GRID2: variants seen among roughly 807,000 people sequenced by gnomAD.
GRID2 encodes the protein glutamate ionotropic receptor delta type subunit 2.
Under a neutral mutation model 114.8 loss-of-function variants are expected in GRID2, and 33 were observed. The observed-to-expected ratio is 0.29, with a 90% CI of 0.22 to 0.38. The LOEUF (loss-of-function observed/expected upper bound fraction) is 0.38, where lower values mean the gene tolerates loss of function less well. Ranked by LOEUF, GRID2 falls within the 10% of genes least tolerant of loss-of-function variation. The probability of loss-of-function intolerance (pLI) is 1.00; values close to 1 mark genes in which losing one functional copy is unlikely to be tolerated. For synonymous variants in GRID2, 505 were observed against 449.9 expected, an observed-to-expected ratio of 1.12 and a Z score of -1.55; for missense variants, 1,184 against 1,257.7, an observed-to-expected ratio of 0.94 and a Z score of 0.89.
chr4:92,487,971 A>T (rs1311266818), intron 1 of GRID2, among the ~76,000 whole-genome samples: 4 of 152,016 alleles, frequency 2.6e-5, no homozygotes, highest in African/African-American at 9.7e-5. Context: ...TGATTTATTT[A>T]TTCTTTGTTT....
At chr4:92,433,301 C>G (rs904532543) in intron 1 of GRID2, among the ~76,000 whole-genome samples, 2 of 152,196 alleles carry the variant, frequency 1.3e-5, no homozygotes, top group Admixed American at 6.5e-5. Context: ...GCTCTGGGCC[C>G]AGCACAGCAC....
At chr4:92,909,389 C>T (rs1013301786) in intron 2 of GRID2, among the ~76,000 whole-genome samples, 2 of 151,732 alleles carry the variant, frequency 1.3e-5, no homozygotes, top group Non-Finnish European at 2.9e-5. Flanking sequence ...ATTATAAACA[C>T]CTTCCCTCAA....
At chr4:92,644,367 C>T (rs1731510607) in intron 2 of GRID2, among the ~76,000 whole-genome samples, 5 of 151,826 alleles carry the variant, frequency 3.3e-5, no homozygotes, top group South Asian at 2.1e-4. Context: ...TTAAGTCTCA[C>T]TAAAATAAAC....
At chr4:93,508,645 A>C (rs1022813883) in intron 12 of GRID2, among the ~76,000 whole-genome samples, 6 of 152,338 alleles carry the variant, frequency 3.9e-5, no homozygotes, top group Middle Eastern at 6.8e-3. Context: ...CTAGTGAAGA[A>C]GACCACCATA....
At chr4:92,974,427 G>T (rs1275650299) in intron 2 of GRID2, among the ~76,000 whole-genome samples, 1 of 151,968 alleles carries the variant, frequency 6.6e-6, no homozygotes, top group Non-Finnish European at 1.5e-5. Context: ...GCAAAGACTT[G>T]GAATCAACCC....
At chr4:93,475,896 C>A (rs544953795) in intron 11 of GRID2, among the ~76,000 whole-genome samples, 2 of 152,138 alleles carry the variant, frequency 1.3e-5, no homozygotes, top group Non-Finnish European at 2.9e-5. Context: ...GCTAATGGAT[C>A]ACTACAGAGT....
intron 1 of GRID2, among the ~76,000 whole-genome samples, chr4:92,328,144 AG>A (rs1726692635): frequency 6.6e-6 from 1 of 152,046 alleles, no homozygotes; most frequent in African/African-American, 2.4e-5. Context: ...CACATTCAAG[AG>A]GGAGAATGAC....
At chr4:92,865,233 C>T (rs1393335311) in intron 2 of GRID2, among the ~76,000 whole-genome samples, 1 of 152,154 alleles carries the variant, frequency 6.6e-6, no homozygotes, top group Non-Finnish European at 1.5e-5. Flanking sequence ...AATATTTACA[C>T]AGTCACTTCT....
At chr4:92,920,023 G>T (rs887452060) in intron 2 of GRID2, among the ~76,000 whole-genome samples, 4 of 152,132 alleles carry the variant, frequency 2.6e-5, no homozygotes, top group Admixed American at 2.6e-4. Flanking sequence ...TTATGAATCT[G>T]GGTGCTCCTG....
chr4:92,580,991 G>A (rs1458609631), intron 1 of GRID2, among the ~76,000 whole-genome samples: 2 of 150,262 alleles, frequency 1.3e-5, no homozygotes, highest in Non-Finnish European at 3.0e-5. Flanking sequence ...TTTTGTTCTT[G>A]TCATGGCAGA....
intron 14 of GRID2, among the ~76,000 whole-genome samples, chr4:93,675,158 C>T (rs1011542250): frequency 2.0e-5 from 3 of 152,076 alleles, no homozygotes; most frequent in Non-Finnish European, 4.4e-5. Flanking sequence ...TCATATATTG[C>T]GTGTGTGTGT....
At chr4:92,438,206 A>C (rs755001299) in intron 1 of GRID2, among the ~76,000 whole-genome samples, 1 of 152,006 alleles carries the variant, frequency 6.6e-6, no homozygotes, top group Non-Finnish European at 1.5e-5. Context: ...TCCTCTTAAT[A>C]TCAGGATACA....
rs186563221 is a variant in GRID2 at position 92,369,980 on chromosome 4, C to A, written c.88+65236C>A. ...AATACAGGCATATCTTGTTTTATTA[C>A]ACTTCACTTTATTGCACTTTACAGT... On this transcript the variant is annotated intron_variant, in intron 1 of 15. Coordinates refer to ENST00000282020, the MANE Select transcript of GRID2 (RefSeq NM_001510.4). 1.2e-4 allele frequency among the ~76,000 whole-genome samples: 18 copies of A among 152,188 alleles called. No homozygotes were observed. In the East Asian group the frequency reaches 3.5e-3, roughly 29 times the overall value.
rs149253597 is a variant in GRID2 at position 93,700,831 on chromosome 4, C to T, written c.2361-68379C>T. Among the ~76,000 whole-genome samples, 54 of 152,208 alleles carry T rather than the reference C, an allele frequency of 3.5e-4. 1 individual carries two copies. Among genetic ancestry groups the T allele is most frequent in the Non-Finnish European group, 5.9e-4 (40 of 68,000 alleles). On this transcript the variant is annotated intron_variant, in intron 14 of 15. Coordinates refer to ENST00000282020, the MANE Select transcript of GRID2 (RefSeq NM_001510.4). ...AAGGGTGGTTTGGAAGGGGATTGCA[C>T]GTGTGTGCCATAATGAATCTGTTTT...
chr4:93,138,064 C>A (rs968411482), intron 4 of GRID2, among the ~76,000 whole-genome samples: 1 of 150,120 alleles, frequency 6.7e-6, no homozygotes, highest in Non-Finnish European at 1.5e-5. Flanking sequence ...CTTCCACCTC[C>A]CGTGCTCAAA....
rs562920097 is a variant in GRID2 at position 92,627,879 on chromosome 4, G to T, written c.244+37593G>T. ...GTAGTGTTTGCTGATTTCCATAAGT[G>T]TGTAAATATTGACACTATGGCCAAT... On this transcript the variant is annotated intron_variant, in intron 2 of 15. Coordinates refer to ENST00000282020, the MANE Select transcript of GRID2 (RefSeq NM_001510.4). 3.5e-4 allele frequency among the ~76,000 whole-genome samples: 53 copies of T among 152,198 alleles called. No individual in the cohort carries two copies. The South Asian group carries it at 0.011, about 31-fold the overall frequency.
intron 2 of GRID2, among the ~76,000 whole-genome samples, chr4:93,075,468 A>G (rs564892151): frequency 8.5e-5 from 13 of 152,328 alleles, no homozygotes; most frequent in African/African-American, 2.9e-4. Context: ...TGGTGGTACC[A>G]GCTGGTGCAA....
At chr4:92,657,489 T>C (rs1245011605) in intron 2 of GRID2, among the ~76,000 whole-genome samples, 1 of 151,750 alleles carries the variant, frequency 6.6e-6, no homozygotes, top group Non-Finnish European at 1.5e-5. Flanking sequence ...TTTAATGTTT[T>C]ACAAATATGT....
In GRID2 at chr4:93,062,411, G is replaced by T. The variant is rs1429001397; in HGVS notation, c.245-22584G>T. On this transcript the variant is annotated intron_variant, in intron 2 of 15. Coordinates refer to ENST00000282020, the MANE Select transcript of GRID2 (RefSeq NM_001510.4). ...TCATATCCATACAAAGATATGAAGA[G>T]AATCATATTTGCTTATCTCTTATAT... 3.9e-5 allele frequency among the ~76,000 whole-genome samples: 6 copies of T among 152,050 alleles called. 1 individual carries two copies. The highest frequency in any genetic ancestry group is 3.9e-4 in the Admixed American group (6 of 15,238).
Sources: gnomAD v4.1 joint callset for allele counts (sites outside exome capture counted in the v4.1 genomes callset) on GRCh38, gnomAD v4.1.1 for gene constraint, MANE v1.5 for transcripts, NCBI Gene and HGNC (gene_info 2026-07-23, HGNC 2026-07-21) for gene names.